USP34: variants seen among roughly 807,000 people sequenced by gnomAD.
USP34 encodes the protein ubiquitin specific peptidase 34.
Under a neutral mutation model 460.3 loss-of-function variants are expected in USP34, and 70 were observed. The observed-to-expected ratio is 0.15, with a 90% CI of 0.13 to 0.19. USP34 has a LOEUF of 0.19. Among genes scored for constraint, USP34 ranks in the 10% least tolerant of loss-of-function variants. The pLI is 1.00. For synonymous variants in USP34, 1,647 were observed against 1,405.3 expected (o/e 1.17, Z -3.85); for missense variants, 3,985 against 4,236.2 (o/e 0.94, Z 1.65).
intron 2 of USP34, chr2:61,416,901 C>T: frequency 1.0e-6 from 1 of 982,594 alleles, no homozygotes; most frequent in Non-Finnish European, 1.6e-6. Flanking sequence ...GCAGGGCCAG[C>T]CACTTGTCCA....
chr2:61,373,828 C>T (rs1290710783), intron 8 of USP34, among the ~76,000 whole-genome samples: 2 of 152,120 alleles, frequency 1.3e-5, no homozygotes, highest in African/African-American at 4.8e-5. Context: ...ACCTCTCATA[C>T]TGGTTGACTC....
intron 10 of USP34, among the ~76,000 whole-genome samples, chr2:61,366,473 T>C (rs1177384956): frequency 1.7e-4 from 26 of 152,262 alleles, no homozygotes; most frequent in Non-Finnish European, 2.9e-5. Context: ...GCAGCCAACA[T>C]ATAGGTAACC....
chr2:61,424,362 C>T (rs1694448335), intron 1 of USP34, among the ~76,000 whole-genome samples: 1 of 152,176 alleles, frequency 6.6e-6, no homozygotes, highest in Admixed American at 6.5e-5. Flanking sequence ...GACCACTGTC[C>T]TACACTAGGT....
chr2:61,367,302 G>C (rs966023688), intron 10 of USP34, among the ~76,000 whole-genome samples: 1 of 151,534 alleles, frequency 6.6e-6, no homozygotes, highest in Non-Finnish European at 1.5e-5. Flanking sequence ...AGAAGCACGA[G>C]TGCGCGCGCA....
intron 79 of USP34, 58 bp from the exon 80 acceptor site, chr2:61,188,767 G>A (rs1002964594): frequency 1.0e-5 from 16 of 1,578,176 alleles, no homozygotes; most frequent in South Asian, 4.7e-5. Flanking sequence ...ATCACGTTAG[G>A]GGGGGATGTG....
At position 61,229,014 on chromosome 2, in the gene USP34, G is replaced by A. The variant is rs762636967; in HGVS notation, c.7200-19C>T. 1 of 1,514,308 alleles carries A rather than the reference G, an allele frequency of 6.6e-7. No individual in the cohort carries two copies. Among genetic ancestry groups the A allele is most frequent in the Admixed American group, 2.1e-5 (1 of 46,756 alleles). 93.8% of individuals were successfully genotyped at this position (1,514,308 alleles called of 1,614,324 possible). On this transcript the variant is annotated intron_variant, in intron 59 of 79. Coordinates refer to ENST00000398571, the MANE Select transcript of USP34 (RefSeq NM_014709.4). ...ATCTGACCTAAGAGACAATTAAATA[G>A]ATCTTAGAGAATGTATGAGGTCTGG...
chr2:61,420,531 A>T (rs1694325233), intron 2 of USP34, among the ~76,000 whole-genome samples: 2 of 152,194 alleles, frequency 1.3e-5, no homozygotes, highest in African/African-American at 4.8e-5. Context: ...CTAAATAAGC[A>T]GGGGTCAAAG....
chr2:61,380,137 C>T (rs762806500), intron 7 of USP34, 32 bp downstream of exon 7: 8 of 1,587,334 alleles, frequency 5.0e-6, no homozygotes, highest in Non-Finnish European at 6.0e-6. Context: ...AACAAATAAA[C>T]GATGACCAAA....
At chr2:61,352,417 A>G (rs1258720936) in intron 10 of USP34, among the ~76,000 whole-genome samples, 1 of 151,924 alleles carries the variant, frequency 6.6e-6, no homozygotes, top group African/African-American at 2.4e-5. Context: ...TTTCCATAAT[A>G]TACTTAATTT....
intron 69 of USP34, 138 bp downstream of exon 69, chr2:61,211,634 T>A: frequency 2.1e-6 from 2 of 947,288 alleles, no homozygotes; most frequent in African/African-American, 1.7e-5. Flanking sequence ...TAAAAGTAGT[T>A]CATGAACCTT....
intron 1 of USP34, among the ~76,000 whole-genome samples, chr2:61,443,828 C>T (rs1401531793): frequency 2.0e-5 from 3 of 152,142 alleles, no homozygotes; most frequent in Admixed American, 6.5e-5. Context: ...GATATGTTAA[C>T]GTAGATTCAC....
At chr2:61,209,177 T>C (rs1447614909) in intron 69 of USP34, among the ~76,000 whole-genome samples, 200 bp from the exon 70 acceptor site, 2 of 152,210 alleles carry the variant, frequency 1.3e-5, no homozygotes, top group Non-Finnish European at 2.9e-5. Flanking sequence ...AAAAGTCTAT[T>C]AATATCTAAT....
chr2:61,349,008 A>G, intron 13 of USP34, 122 bp from the exon 14 acceptor site: 2 of 1,176,266 alleles, frequency 1.7e-6, no homozygotes, highest in South Asian at 1.8e-5. Context: ...AGCCAAAAAT[A>G]AAATCTCTAA....
At chr2:61,341,903 C>T (rs1349171576) in intron 16 of USP34, among the ~76,000 whole-genome samples, 1 of 151,662 alleles carries the variant, frequency 6.6e-6, no homozygotes, top group Non-Finnish European at 1.5e-5. Context: ...GCTGGGACGA[C>T]AGGTGCCCGC....
At chr2:61,445,741 A>C (rs1235524635) in intron 1 of USP34, among the ~76,000 whole-genome samples, 1 of 152,074 alleles carries the variant, frequency 6.6e-6, no homozygotes, top group African/African-American at 2.4e-5. Context: ...GCGGATCACG[A>C]GGTCAGGAGT....
intron 27 of USP34, among the ~76,000 whole-genome samples, chr2:61,304,174 G>C (rs1480029845): frequency 5.9e-5 from 9 of 152,242 alleles, no homozygotes; most frequent in Non-Finnish European, 1.3e-4. Flanking sequence ...GGGATTACAG[G>C]CATGAGCTAC....
intron 51 of USP34, among the ~76,000 whole-genome samples, chr2:61,243,638 C>A (rs1428359161): frequency 6.7e-6 from 1 of 150,288 alleles, no homozygotes; most frequent in East Asian, 2.0e-4. Flanking sequence ...CTTTGGGAGC[C>A]CAAGGTGGGC....
intron 5 of USP34, among the ~76,000 whole-genome samples, chr2:61,393,145 CTCAGA>C (rs753168432): frequency 6.6e-6 from 1 of 152,066 alleles, no homozygotes; most frequent in Non-Finnish European, 1.5e-5. Context: ...AAAATTAAGG[CTCAGA>C]TCACGCAAAG....
chr2:61,353,322 A>G (rs1692004029), intron 10 of USP34, among the ~76,000 whole-genome samples: 1 of 152,152 alleles, frequency 6.6e-6, no homozygotes, highest in Non-Finnish European at 1.5e-5. Flanking sequence ...GCGGAACAAA[A>G]CAAAAAAGGA....
Sources: allele counts gnomAD v4.1 joint callset (sites outside exome capture counted in the v4.1 genomes callset), GRCh38; gene constraint gnomAD v4.1.1; transcripts MANE v1.5; gene names NCBI Gene and HGNC (gene_info 2026-07-23, HGNC 2026-07-21).